The following SPRYD3 variants were observed in gnomAD, a reference collection of about 807,000 sequenced individuals.
SPRYD3 encodes the protein SPRY domain-containing protein 3.
Under a neutral mutation model 50.1 loss-of-function variants are expected in SPRYD3, and 17 were observed. That is an observed-to-expected ratio of 0.34 (90% CI 0.23 to 0.51). The LOEUF is 0.51. Ranked by LOEUF, SPRYD3 falls within the 20% of genes least tolerant of loss-of-function variation. SPRYD3 has a pLI of 0.97. For missense variants in SPRYD3, 401 were observed against 591.2 expected, an observed-to-expected ratio of 0.68 and a Z score of 3.34; for synonymous variants, 198 against 215.5, an observed-to-expected ratio of 0.92 and a Z score of 0.71.
chr12:53,079,210 C>T, intron 1 of SPRYD3, 101 bp downstream of exon 1: 1 of 1,271,210 alleles, frequency 7.9e-7, no homozygotes, highest in Non-Finnish European at 1.1e-6. Context: ...GCGCAGGGCC[C>T]CGCCCCTGGC....
In SPRYD3 at chr12:53,068,269, C is replaced by T; in HGVS notation, c.729G>A (p.Val243=). 1 of 1,614,220 alleles carries T rather than the reference C, an allele frequency of 6.2e-7. No individual in the cohort carries two copies. Among genetic ancestry groups the T allele is most frequent in the Non-Finnish European group, 8.5e-7 (1 of 1,180,040 alleles). The change falls in exon 7 of 11, where the codon GTG becomes GTA. Residue 243 remains valine (V), a synonymous_variant. Transcript: ENST00000301463. ...LEYLGKGKSI[V]DVGLAQARHP... ...GCCGGGCCTGGGCCAGCCCCACATC[C>T]ACGATGCTTTTGCCCTTCCCTAAGT... is the stretch of plus-strand genomic sequence containing the variant.
In SPRYD3 at chr12:53,066,305, C is replaced by A. The variant is rs767166785; in HGVS notation, c.1194+9G>T. On this transcript the variant is annotated intron_variant, in intron 10 of 10. Coordinates refer to ENST00000301463, the MANE Select transcript of SPRYD3 (RefSeq NM_032840.3). ...AACCCTGGTCCCACCTCAAACTCTC[C>A]GTACTCACCACCACCTTCCTGCCCT... 3 of 1,612,500 alleles carry A rather than the reference C, an allele frequency of 1.9e-6. No individual in the cohort carries two copies. Among genetic ancestry groups the A allele is most frequent in the Middle Eastern group, 1.7e-4 (1 of 5,842 alleles).
chr12:53,066,974 G>A (rs1404115684), intron 8 of SPRYD3, among the ~76,000 whole-genome samples: 3 of 152,150 alleles, frequency 2.0e-5, no homozygotes, highest in Non-Finnish European at 4.4e-5. Context: ...GCTGGGCGTG[G>A]TGGCGCCCGT....
In SPRYD3 at chr12:53,074,007, C is replaced by A. The variant is rs1308958425; in HGVS notation, c.508-536G>T. On this transcript the variant is annotated intron_variant, in intron 5 of 10. Coordinates refer to ENST00000301463, the MANE Select transcript of SPRYD3 (RefSeq NM_032840.3). This position sits in a 1 kb window ranked among gnomAD's most constrained non-coding sequence, Gnocchi z 4.6. The stretch of plus-strand genomic sequence containing the variant: ...TAGAAGACAAACACAAGTCTCCTGA[C>A]TTGCTGCCAAATACTTTCAGTACGT... Among the ~76,000 whole-genome samples the A allele has an allele frequency of 6.6e-6, 1 of 152,102 alleles. No homozygotes were observed. Among genetic ancestry groups the A allele is most frequent in the Non-Finnish European group, 1.5e-5 (1 of 68,026 alleles).
rs538191226 is a variant in SPRYD3, at chr12:53,074,853, A to G, written c.372-69T>C. On this transcript the variant is annotated intron_variant, in intron 4 of 10. Transcript: ENST00000301463. This position sits in a 1 kb window ranked among gnomAD's most constrained non-coding sequence, Gnocchi z 4.6. ...CCAACTTCTCCCCAGCACTGACAGC[A>G]GAGGCCTCATCCTCATCTTGCTGCT... is the stretch of plus-strand genomic sequence containing the variant. The G allele has an allele frequency of 3.8e-6, 6 of 1,577,266 alleles. No individual in the cohort carries two copies. In the Admixed American group the frequency reaches 8.5e-5, roughly 22 times the overall value.
At chr12:53,068,400 T>C (rs1009053857) in intron 6 of SPRYD3, 96 bp from the exon 7 acceptor site, 80 of 1,393,640 alleles carry the variant, frequency 5.7e-5, no homozygotes, top group Non-Finnish European at 7.2e-5. Flanking sequence ...TTCCCAGGTC[T>C]GACAAAAACT....
At chr12:53,075,288 A>G in intron 3 of SPRYD3, 69 bp from the exon 4 acceptor site, 2 of 1,537,860 alleles carry the variant, frequency 1.3e-6, no homozygotes, top group Non-Finnish European at 1.8e-6. Flanking sequence ...GGGTGGGGGA[A>G]GGGGACTTAG....
chr12:53,073,256 G>GCCCCCGGGGGGGGGGGGGGGCC, intron 6 of SPRYD3, 30 bp downstream of exon 6: 4 of 424,134 alleles, frequency 9.4e-6, no homozygotes, highest in South Asian at 4.4e-5. Context: ...CTCCGACCCA[G>GCCCCCGGGGGGGGGGGGGGGCC]CCCCTCCCAC....
In SPRYD3 at chr12:53,065,592, A is replaced by G. The variant is rs1944497369; in HGVS notation, c.*240T>C. The G allele has an allele frequency of 4.0e-6, 2 of 497,778 alleles. No homozygotes were observed. Among genetic ancestry groups the G allele is most frequent in the African/African-American group, 1.9e-5 (1 of 52,518 alleles). The allele number at this position is 497,778 out of a possible 1,614,324, so 30.8% of individuals were successfully genotyped here. On this transcript the variant is annotated 3_prime_UTR_variant, in exon 11 of 11. Coordinates refer to ENST00000301463, the MANE Select transcript of SPRYD3 (RefSeq NM_032840.3). ...GTGGGACCACCCACATACCAACACCATTCTTTGGGTCCATTCCTGTCCAAC... is the reference window on the plus strand; with the variant it reads ...GTGGGACCACCCACATACCAACACCGTTCTTTGGGTCCATTCCTGTCCAAC...
chr12:53,072,170 G>A (rs1478637290), intron 6 of SPRYD3, among the ~76,000 whole-genome samples: 1 of 152,144 alleles, frequency 6.6e-6, no homozygotes, highest in Non-Finnish European at 1.5e-5. Flanking sequence ...CAGAATGATG[G>A]TAGATTGAGG....
At chr12:53,078,189 G>GA (rs369509110) in intron 1 of SPRYD3, 3,884 of 376,104 alleles carry the variant, frequency 0.01, 84 homozygotes, top group African/African-American at 0.066. Flanking sequence ...AAAAAAAAAA[G>GA]AAAAAAAAAT....
chr12:53,078,147 C>A, intron 1 of SPRYD3: 2 of 449,764 alleles, frequency 4.4e-6, no homozygotes, highest in Non-Finnish European at 9.0e-6. Flanking sequence ...CCACTACATT[C>A]CAGCCTGGCT....
intron 5 of SPRYD3, among the ~76,000 whole-genome samples, chr12:53,073,931 A>T (rs572519712): frequency 9.2e-5 from 14 of 152,038 alleles, no homozygotes; most frequent in Non-Finnish European, 1.8e-4. Flanking sequence ...AGGTGCAGAA[A>T]AGTTTCCAAA....
At position 53,065,659 on chromosome 12, in the gene SPRYD3, G is replaced by C; in HGVS notation, c.*173C>G. 1.5e-6 allele frequency: 1 copy of C among 675,396 alleles called. No homozygotes were observed. The highest frequency in any genetic ancestry group is 2.6e-6 in the Non-Finnish European group (1 of 389,352). 41.8% of individuals were successfully genotyped at this position (675,396 alleles called of 1,614,324 possible). A position where few individuals can be genotyped will look rare whatever the true frequency, so the allele number is the denominator to read the frequency against. On this transcript the variant is annotated 3_prime_UTR_variant, in exon 11 of 11. Transcript: ENST00000301463. ...GGGACTGACAACAGTGGCAGCACCA[G>C]GTCAGAAACGTGGGCACAGAGAAGC...
Position 53,075,215 on chromosome 12 carries a change from G to A in SPRYD3, c.251C>T (p.Ser84Phe). 1.3e-6 allele frequency: 2 copies of A among 1,598,768 alleles called. No homozygotes were observed. The highest frequency in any genetic ancestry group is 1.3e-5 in the African/African-American group (1 of 74,780). ...LTKDSNYFEV[S>F]IVDSGVRGTI... is the part of the protein sequence containing the mutation. ...GCCCCGGACTCCACTGTCCACAATA[G>A]ACACCTGGAGAGAAGAAAGCAGGGC... Residue 84 changes from serine to phenylalanine, a missense_variant, in exon 4 of 11, where the codon TCT becomes TTT. Coordinates refer to ENST00000301463, the MANE Select transcript of SPRYD3 (RefSeq NM_032840.3).
intron 3 of SPRYD3, among the ~76,000 whole-genome samples, chr12:53,075,479 A>T (rs912049758): frequency 1.3e-5 from 2 of 152,154 alleles, no homozygotes; most frequent in African/African-American, 4.8e-5. Context: ...AGGGGACATG[A>T]GTCAAGTCTG....
intron 7 of SPRYD3, 140 bp from the exon 8 acceptor site, chr12:53,067,845 G>A (rs890499226): frequency 1.0e-5 from 8 of 803,544 alleles, no homozygotes; most frequent in Admixed American, 4.3e-5. Flanking sequence ...TGCAGGCACT[G>A]GGGCTTCAGG....
At chr12:53,072,373 C>G (rs1343854046) in intron 6 of SPRYD3, among the ~76,000 whole-genome samples, 1 of 152,178 alleles carries the variant, frequency 6.6e-6, no homozygotes, top group South Asian at 2.1e-4. Flanking sequence ...CTCCCACCCC[C>G]CACTGCTTCT....
In SPRYD3 at chr12:53,074,588, C is replaced by A; in HGVS notation, c.507+61G>T. ...CCAGCCAGCAGACTCTTCCTAATCA[C>A]TCCCCACAAATCCTTGGGCAGATTT... On this transcript the variant is annotated intron_variant, in intron 5 of 10. Transcript: ENST00000301463. The surrounding 1 kb of genome is among the most constrained non-coding windows in gnomAD (Gnocchi z 4.6). The A allele has an allele frequency of 6.2e-7, 1 of 1,606,570 alleles. No individual in the cohort carries two copies. The highest frequency in any genetic ancestry group is 8.5e-7 in the Non-Finnish European group (1 of 1,174,660).
Sources: allele counts gnomAD v4.1 joint callset (sites outside exome capture counted in the v4.1 genomes callset), GRCh38; gene constraint gnomAD v4.1.1; non-coding constraint Gnocchi (gnomAD v3.1); transcripts MANE v1.5; gene names NCBI Gene and HGNC (gene_info 2026-07-23, HGNC 2026-07-21).